The following ZEB2 variants were observed in gnomAD, a reference collection of about 807,000 sequenced individuals.
The protein encoded by ZEB2 is zinc finger E-box-binding homeobox 2.
A neutral mutation model predicts 99.9 loss-of-function variants in ZEB2; 6 were observed. The ratio of observed to expected loss-of-function variants is 0.06; its 90% CI spans 0.03 to 0.12. The LOEUF (loss-of-function observed/expected upper bound fraction) is 0.12. Among genes scored for constraint, ZEB2 ranks in the 10% least tolerant of loss-of-function variants. ZEB2 has a pLI of 1.00. For synonymous variants in ZEB2, 517 were observed against 542.5 expected (o/e 0.95, Z 0.65); for missense variants, 969 against 1,502.8 (o/e 0.64, Z 5.87).
intron 2 of ZEB2, among the ~76,000 whole-genome samples, chr2:144,473,502 A>G (rs1704387598): frequency 2.0e-5 from 3 of 152,282 alleles, no homozygotes; most frequent in African/African-American, 2.4e-5. Context: ...GGCTCAAGCC[A>G]TCCTACCACC....
At chr2:144,395,080 C>T (rs1703205486) in intron 9 of ZEB2, among the ~76,000 whole-genome samples, 1 of 146,154 alleles carries the variant, frequency 6.8e-6, no homozygotes, top group Admixed American at 7.0e-5. Context: ...ACTGCAGCAT[C>T]GACCTCTTGG....
At chr2:144,409,956 G>C (rs1703436813) in intron 4 of ZEB2, among the ~76,000 whole-genome samples, 2 of 150,334 alleles carry the variant, frequency 1.3e-5, no homozygotes, top group South Asian at 4.2e-4. Flanking sequence ...CTGTCGCCCA[G>C]GCTAAAGTGC....
intron 7 of ZEB2, 44 bp from the exon 8 acceptor site, chr2:144,400,314 T>C (rs1703293639): frequency 1.3e-6 from 2 of 1,586,582 alleles, no homozygotes; most frequent in Admixed American, 3.4e-5. Flanking sequence ...CTTGATTAGA[T>C]AACAATTGCA....
chr2:144,471,057 T>C (rs1273126597), intron 2 of ZEB2, among the ~76,000 whole-genome samples: 1 of 152,146 alleles, frequency 6.6e-6, no homozygotes, highest in African/African-American at 2.4e-5. Context: ...TTTGAAGACC[T>C]TGAACACAAA....
chr2:144,424,902 T>C, intron 3 of ZEB2, 35 bp from the exon 4 acceptor site: 2 of 1,608,074 alleles, frequency 1.2e-6, no homozygotes, highest in Non-Finnish European at 1.7e-6. Flanking sequence ...ATTTGAGAAT[T>C]GTAGAAAGGC....
chr2:144,389,294 G>A lies in ZEB2; in HGVS notation c.*157C>T, dbSNP rs774457208. 15 of 860,946 alleles carry A rather than the reference G, an allele frequency of 1.7e-5. No homozygotes were observed. The highest frequency in any genetic ancestry group is 2.8e-5 in the Non-Finnish European group (15 of 537,242). The allele number at this position is 860,946 out of a possible 1,614,324, so 53.3% of individuals were successfully genotyped here. On this transcript the variant is annotated 3_prime_UTR_variant, in exon 10 of 10. Transcript: ENST00000627532. This position sits in a 1 kb window ranked among gnomAD's most constrained non-coding sequence, Gnocchi z 6.8. ...TTTAACAATACCCAGCTCCAACTCC[G>A]TCTACATCTGTCTTGGCTGAACCGC...
chr2:144,401,399 C>T, intron 6 of ZEB2, 92 bp from the exon 7 acceptor site: 1 of 1,276,428 alleles, frequency 7.8e-7, no homozygotes, highest in Non-Finnish European at 1.1e-6. Context: ...GTTTTTCAGA[C>T]AGGCCAAAAG....
At chr2:144,491,177 T>C (rs1704674391) in intron 2 of ZEB2, among the ~76,000 whole-genome samples, 1 of 152,210 alleles carries the variant, frequency 6.6e-6, no homozygotes, top group African/African-American at 2.4e-5. Flanking sequence ...GTGGGCGCCA[T>C]GTGGGCGCCA....
At chr2:144,497,871 GTCATTCTCAACATATATATATATGTC>G (rs1704790780) in intron 2 of ZEB2, 1 of 2,174 alleles carries the variant, frequency 4.6e-4, no homozygotes, top group Non-Finnish European at 1.1e-3. Context: ...ATATATATAT[GTCATTCTCAACATATATATATATGTC>G]ATTCTCAACA....
intron 2 of ZEB2, among the ~76,000 whole-genome samples, chr2:144,447,317 A>C (rs1211750142): frequency 6.6e-6 from 1 of 152,210 alleles, no homozygotes; most frequent in African/African-American, 2.4e-5. Flanking sequence ...GTAGTTCATA[A>C]AAAAGTAGAG....
At chr2:144,466,601 T>C (rs1001218367) in intron 2 of ZEB2, among the ~76,000 whole-genome samples, 1 of 152,200 alleles carries the variant, frequency 6.6e-6, no homozygotes, top group African/African-American at 2.4e-5. Context: ...AATCTTCCGC[T>C]GTGCAACTGC....
intron 2 of ZEB2, among the ~76,000 whole-genome samples, chr2:144,432,230 T>A (rs555299734): frequency 7.2e-5 from 11 of 152,270 alleles, no homozygotes; most frequent in Non-Finnish European, 1.6e-4. Context: ...ACAGCATCCA[T>A]CACCTTCACA....
intron 2 of ZEB2, chr2:144,513,103 A>G: frequency 2.3e-6 from 3 of 1,286,628 alleles, no homozygotes; most frequent in Non-Finnish European, 3.0e-6. Context: ...GAGAGCTAGG[A>G]GGCACCTCCT....
At chr2:144,471,206 T>TTAACTA (rs1319700603) in intron 2 of ZEB2, among the ~76,000 whole-genome samples, 1 of 151,648 alleles carries the variant, frequency 6.6e-6, no homozygotes, top group Non-Finnish European at 1.5e-5. Context: ...ATGCAAAGAG[T>TTAACTA]TAACTAGTTA....
intron 2 of ZEB2, among the ~76,000 whole-genome samples, chr2:144,491,430 C>T (rs560968417): frequency 6.7e-6 from 1 of 150,072 alleles, no homozygotes; most frequent in South Asian, 2.1e-4. Context: ...AACAGTTTGT[C>T]ATGTTTTTAT....
chr2:144,391,980 G>A (rs1178997568), intron 9 of ZEB2, among the ~76,000 whole-genome samples: 5 of 152,200 alleles, frequency 3.3e-5, no homozygotes, highest in African/African-American at 9.6e-5. Flanking sequence ...AAAGCATTTA[G>A]TACAAGGATT....
chr2:144,445,124 A>G (rs1439695749), intron 2 of ZEB2: 4 of 152,238 alleles, frequency 2.6e-5, no homozygotes, highest in Non-Finnish European at 4.4e-5. Flanking sequence ...AACATTTGCA[A>G]ATATTTAATT....
chr2:144,498,693 C>T (rs1378878655), intron 2 of ZEB2, among the ~76,000 whole-genome samples: 1 of 152,180 alleles, frequency 6.6e-6, no homozygotes, highest in Non-Finnish European at 1.5e-5. Context: ...CCACTTGGAA[C>T]AACCAGCTGA....
intron 1 of ZEB2, 37 bp from the exon 2 acceptor site, chr2:144,517,456 C>T: frequency 2.1e-6 from 3 of 1,447,050 alleles, no homozygotes; most frequent in Non-Finnish European, 2.9e-6. Flanking sequence ...GGGCATCGCC[C>T]GCGCCCATTG....
Sources: allele counts gnomAD v4.1 joint callset (sites outside exome capture counted in the v4.1 genomes callset), GRCh38; gene constraint gnomAD v4.1.1; non-coding constraint Gnocchi (gnomAD v3.1); transcripts MANE v1.5; gene names NCBI Gene and HGNC (gene_info 2026-07-23, HGNC 2026-07-21).